The following NRG3 variants were observed in gnomAD, a reference collection of about 807,000 sequenced individuals.
NRG3 encodes the protein neuregulin 3.
NRG3 carries 31 observed loss-of-function variants against 66.9 expected under a neutral mutation model. That is an observed-to-expected ratio of 0.46 (90% CI 0.35 to 0.63). NRG3 has a LOEUF of 0.63. NRG3 is among the 20% of genes least tolerant of loss of function. NRG3 has a pLI of 0.00. For missense variants in NRG3, 910 were observed against 878.9 expected, an observed-to-expected ratio of 1.04 and a Z score of -0.45; for synonymous variants, 393 against 359.4, an observed-to-expected ratio of 1.09 and a Z score of -1.06.
chr10:82,269,615 G>C (rs976472850), intron 1 of NRG3, among the ~76,000 whole-genome samples: 1 of 152,014 alleles, frequency 6.6e-6, no homozygotes, highest in East Asian at 1.9e-4. Context: ...TTTATCTGTA[G>C]TCTACTAACT....
At chr10:82,760,877 A>G (rs1398999722) in intron 3 of NRG3, among the ~76,000 whole-genome samples, 1 of 151,938 alleles carries the variant, frequency 6.6e-6, no homozygotes, top group African/African-American at 2.4e-5. Context: ...TTAAATGTAT[A>G]TTACAAATGT....
intron 4 of NRG3, among the ~76,000 whole-genome samples, chr10:82,909,650 T>A (rs1012198850): frequency 6.6e-6 from 1 of 152,092 alleles, no homozygotes; most frequent in African/African-American, 2.4e-5. Context: ...CCTAATGATG[T>A]TCCACATGAG....
chr10:81,933,668 T>G (rs941005164), intron 1 of NRG3, among the ~76,000 whole-genome samples: 4 of 152,190 alleles, frequency 2.6e-5, no homozygotes, highest in African/African-American at 9.6e-5. Context: ...CAGGCACCTC[T>G]TCTCAGTTGG....
In NRG3 at chr10:82,860,568, C is replaced by CTTACCAGTAAAATG. The variant is rs544821992; in HGVS notation, c.1028-4843_1028-4842insTTACCAGTAAAATG. ...TTTCTTACCAGTAAAATGAACATTA[C>CTTACCAGTAAAATG]AACAATCTTATAAATTGCTGTGAGA... is the stretch of plus-strand genomic sequence containing the variant. On this transcript the variant is annotated intron_variant, in intron 3 of 8. Coordinates refer to ENST00000372141, the MANE Select transcript of NRG3 (RefSeq NM_001010848.4). 7.2e-5 allele frequency among the ~76,000 whole-genome samples: 11 copies of CTTACCAGTAAAATG among 152,212 alleles called. No homozygotes were observed. In the East Asian group the frequency reaches 1.9e-3, roughly 27 times the overall value.
intron 1 of NRG3, among the ~76,000 whole-genome samples, chr10:82,015,479 A>C (rs937185486): frequency 3.3e-5 from 5 of 152,012 alleles, no homozygotes; most frequent in African/African-American, 1.2e-4. Flanking sequence ...AATCCCTATA[A>C]TCCCAACGTG....
intron 2 of NRG3, among the ~76,000 whole-genome samples, chr10:82,470,365 G>A (rs916793849): frequency 1.3e-5 from 2 of 152,134 alleles, no homozygotes; most frequent in Non-Finnish European, 2.9e-5. Flanking sequence ...AAACCCTCTA[G>A]GCTTCAATTT....
At chr10:82,303,669 A>T (rs1389531513) in intron 1 of NRG3, among the ~76,000 whole-genome samples, 1 of 152,108 alleles carries the variant, frequency 6.6e-6, no homozygotes, top group African/African-American at 2.4e-5. Context: ...GGAGTTCAAG[A>T]CCAGCATGGC....
intron 1 of NRG3, among the ~76,000 whole-genome samples, chr10:81,907,762 G>A (rs919350812): frequency 1.3e-5 from 2 of 152,122 alleles, no homozygotes; most frequent in Non-Finnish European, 2.9e-5. Flanking sequence ...AACAGTGCAT[G>A]TTTTAAAATA....
intron 1 of NRG3, among the ~76,000 whole-genome samples, chr10:82,185,909 A>G (rs10490930): frequency 0.085 from 13,010 of 152,196 alleles, 864 homozygotes; most frequent in East Asian, 0.22. Flanking sequence ...CACTATTATC[A>G]CCTAGTCCAT....
chr10:82,403,412 G>A (rs375710136), intron 2 of NRG3, among the ~76,000 whole-genome samples: 2 of 152,060 alleles, frequency 1.3e-5, no homozygotes, highest in South Asian at 2.1e-4. Context: ...TCATTAATTG[G>A]CAACAGCCCT....
chr10:81,958,070 A>G (rs1850010575), intron 1 of NRG3, among the ~76,000 whole-genome samples: 1 of 152,208 alleles, frequency 6.6e-6, no homozygotes, highest in East Asian at 1.9e-4. Flanking sequence ...TTAGTCAGAT[A>G]CTTTGACACA....
chr10:82,091,248 G>C (rs976681070), intron 1 of NRG3, among the ~76,000 whole-genome samples: 1 of 152,074 alleles, frequency 6.6e-6, no homozygotes, highest in Admixed American at 6.6e-5. Context: ...TATTATCACT[G>C]TCTATGTCCC....
At chr10:81,967,002 G>A (rs2059755536) in intron 1 of NRG3, among the ~76,000 whole-genome samples, 1 of 151,648 alleles carries the variant, frequency 6.6e-6, no homozygotes, top group Non-Finnish European at 1.5e-5. Flanking sequence ...AATTAATTGA[G>A]CATGTTTGTC....
intron 1 of NRG3, among the ~76,000 whole-genome samples, chr10:82,009,310 G>C (rs1389253506): frequency 6.6e-6 from 1 of 152,078 alleles, no homozygotes; most frequent in African/African-American, 2.4e-5. Flanking sequence ...TTCATCCAGG[G>C]GTGGCTTGCT....
At chr10:82,528,354 A>G (rs1314213899) in intron 2 of NRG3, among the ~76,000 whole-genome samples, 1 of 151,588 alleles carries the variant, frequency 6.6e-6, no homozygotes, top group Non-Finnish European at 1.5e-5. Flanking sequence ...GAATGACAAC[A>G]GGAAATTTTT....
intron 1 of NRG3, among the ~76,000 whole-genome samples, chr10:82,209,356 C>G (rs1001566812): frequency 4.0e-5 from 6 of 149,842 alleles, no homozygotes; most frequent in Non-Finnish European, 7.4e-5. Flanking sequence ...CTCTCTCTCT[C>G]AAAAGAAACG....
rs150449483 is a variant in NRG3 at position 82,280,456 on chromosome 10, A to G, written c.824-78283A>G. Among the ~76,000 whole-genome samples the G allele has an allele frequency of 1.7e-4, 26 of 152,322 alleles. No homozygotes were observed. The East Asian group carries it at 4.8e-3, about 28-fold the overall frequency. On this transcript the variant is annotated intron_variant, in intron 1 of 8. Coordinates refer to ENST00000372141, the MANE Select transcript of NRG3 (RefSeq NM_001010848.4). ...ACTTTGTCCTAAATGCTTATTCATT[A>G]TACCCTACAGTAATCACTGTCAAAT...
intron 4 of NRG3, among the ~76,000 whole-genome samples, chr10:82,910,689 A>G (rs1005449003): frequency 6.6e-6 from 1 of 152,224 alleles, no homozygotes; most frequent in African/African-American, 2.4e-5. Context: ...AATAATGTTT[A>G]TGTCATGTAC....
In NRG3 at chr10:81,979,187, C is replaced by CAAAA. The variant is rs34468792; in HGVS notation, c.823+103046_823+103049dup. Among the ~76,000 whole-genome samples, 92 of 81,974 alleles carry CAAAA rather than the reference C, an allele frequency of 1.1e-3. 1 individual carries two copies. Among genetic ancestry groups the CAAAA allele is most frequent in the Non-Finnish European group, 2.1e-3 (79 of 37,766 alleles). The allele number at this position is 81,974 out of a possible 152,430, so 53.8% of individuals were successfully genotyped here. On this transcript the variant is annotated intron_variant, in intron 1 of 8. Coordinates refer to ENST00000372141, the MANE Select transcript of NRG3 (RefSeq NM_001010848.4). ...CTGGCGACAGGGCGGGACTCCGTCTCAAAAAAAAAAAAAAAAAAAAAAAAA... is the reference window on the plus strand; with the variant it reads ...CTGGCGACAGGGCGGGACTCCGTCTCAAAAAAAAAAAAAAAAAAAAAAAAAAAAA...
Sources: gnomAD v4.1 joint callset for allele counts (sites outside exome capture counted in the v4.1 genomes callset) on GRCh38, gnomAD v4.1.1 for gene constraint, MANE v1.5 for transcripts, NCBI Gene and HGNC (gene_info 2026-07-23, HGNC 2026-07-21) for gene names.